The following TRHDE variants were observed in gnomAD, a reference collection of about 807,000 sequenced individuals.
TRHDE encodes thyrotropin releasing hormone degrading enzyme.
A neutral mutation model predicts 125.7 loss-of-function variants in TRHDE; 72 were observed. The ratio of observed to expected loss-of-function variants is 0.57; its 90% CI spans 0.47 to 0.70. The LOEUF (loss-of-function observed/expected upper bound fraction) is 0.70. Among genes scored for constraint, TRHDE ranks in the 30% least tolerant of loss-of-function variants. The probability of loss-of-function intolerance (pLI) is 0.00; values close to 1 mark genes in which losing one functional copy is unlikely to be tolerated. For missense variants in TRHDE, 1,110 were observed against 1,327.1 expected, an observed-to-expected ratio of 0.84 and a Z score of 2.54; for synonymous variants, 509 against 509.1, an observed-to-expected ratio of 1.00 and a Z score of 0.00.
At chr12:72,567,755 CAAG>C (rs1390338013) in intron 9 of TRHDE, among the ~76,000 whole-genome samples, 1 of 151,984 alleles carries the variant, frequency 6.6e-6, no homozygotes, top group Non-Finnish European at 1.5e-5. Context: ...GGCTATATTT[CAAG>C]AAGGAAACAA....
chr12:72,506,679 T>C (rs1878368285), intron 6 of TRHDE, among the ~76,000 whole-genome samples: 1 of 152,178 alleles, frequency 6.6e-6, no homozygotes, highest in African/African-American at 2.4e-5. Context: ...CACAAATAAA[T>C]ATATTTCAAG....
chr12:72,515,503 T>C (rs546374078), intron 6 of TRHDE, among the ~76,000 whole-genome samples: 5 of 152,330 alleles, frequency 3.3e-5, no homozygotes, highest in African/African-American at 9.6e-5. Flanking sequence ...GTTTTTTTTG[T>C]AAATTTGTTT....
intron 2 of TRHDE, among the ~76,000 whole-genome samples, chr12:72,214,097 A>G (rs1877838226): frequency 6.6e-6 from 1 of 152,142 alleles, no homozygotes; most frequent in South Asian, 2.1e-4. Context: ...TAATTTCATT[A>G]TAGATTGTGG....
chr12:72,662,937 T>C, intron 18 of TRHDE, 115 bp from the exon 19 acceptor site: 2 of 1,121,152 alleles, frequency 1.8e-6, no homozygotes, highest in Non-Finnish European at 2.5e-6. Context: ...GGTCATGGCA[T>C]TTTGTTTCAA....
chr12:72,288,023 C>T (rs556627750), intron 2 of TRHDE, among the ~76,000 whole-genome samples: 70 of 151,002 alleles, frequency 4.6e-4, no homozygotes, highest in African/African-American at 1.6e-3. Context: ...AGGGGCTAAA[C>T]GTAAGCAAAT....
intron 3 of TRHDE, among the ~76,000 whole-genome samples, chr12:72,433,883 G>A (rs997495213): frequency 6.6e-6 from 1 of 151,868 alleles, no homozygotes; most frequent in Non-Finnish European, 1.5e-5. Flanking sequence ...ACATGGAGCT[G>A]GTGATGAGGA....
chr12:72,469,954 A>G lies in TRHDE; in HGVS notation c.1470+42A>G, dbSNP rs770827082. 3.8e-6 allele frequency: 6 copies of G among 1,586,174 alleles called. No individual in the cohort carries two copies. In the South Asian group the frequency reaches 6.8e-5, roughly 18 times the overall value. ...CAGGTGTAAGTATAATGTGAAAGCTATTGAAAATGATTTTGAATACCTACA... is the reference window on the plus strand; with the variant it reads ...CAGGTGTAAGTATAATGTGAAAGCTGTTGAAAATGATTTTGAATACCTACA... On this transcript the variant is annotated intron_variant, in intron 4 of 18. Coordinates refer to ENST00000261180, the MANE Select transcript of TRHDE (RefSeq NM_013381.3).
chr12:72,652,498 A>G lies in TRHDE; in HGVS notation c.2843+9A>G. On this transcript the variant is annotated intron_variant, in intron 16 of 18. Coordinates refer to ENST00000261180, the MANE Select transcript of TRHDE (RefSeq NM_013381.3). ...AGGAATTTATTAAACAGGTAGGCCGACTGATTTTCTAAATGTGTTTCTCTA... is the reference window on the plus strand; with the variant it reads ...AGGAATTTATTAAACAGGTAGGCCGGCTGATTTTCTAAATGTGTTTCTCTA... The G allele has an allele frequency of 1.9e-6, 3 of 1,573,974 alleles. No homozygotes were observed. The highest frequency in any genetic ancestry group is 1.7e-4 in the Middle Eastern group (1 of 5,882).
At chr12:72,388,403 G>A (rs1294979764) in intron 3 of TRHDE, among the ~76,000 whole-genome samples, 1 of 151,950 alleles carries the variant, frequency 6.6e-6, no homozygotes, top group Admixed American at 6.6e-5. Flanking sequence ...CCAAATGTAA[G>A]TTCTATGAAA....
At chr12:72,143,941 T>C (rs1023981069) in intron 2 of TRHDE, among the ~76,000 whole-genome samples, 1 of 152,218 alleles carries the variant, frequency 6.6e-6, no homozygotes, top group Non-Finnish European at 1.5e-5. Context: ...TGAACCTTCT[T>C]TGTTACAGAT....
intron 6 of TRHDE, among the ~76,000 whole-genome samples, chr12:72,536,584 A>G (rs181428564): frequency 1.8e-4 from 28 of 152,238 alleles, no homozygotes; most frequent in African/African-American, 6.7e-4. Flanking sequence ...ATTGGCTAGG[A>G]GTAAACTGAG....
chr12:72,284,353 C>T (rs1879804104), intron 1 of TRHDE, among the ~76,000 whole-genome samples: 1 of 151,984 alleles, frequency 6.6e-6, no homozygotes, highest in Non-Finnish European at 1.5e-5. Context: ...AAATAAAATC[C>T]CATGGGCATC....
chr12:72,368,102 A>G (rs1017096881), intron 2 of TRHDE, among the ~76,000 whole-genome samples: 2 of 152,178 alleles, frequency 1.3e-5, no homozygotes, highest in Non-Finnish European at 2.9e-5. Flanking sequence ...TTTTTAAACA[A>G]CAAATCATTA....
chr12:72,570,821 C>T (rs1870689932), intron 10 of TRHDE, among the ~76,000 whole-genome samples: 1 of 152,086 alleles, frequency 6.6e-6, no homozygotes, highest in Admixed American at 6.5e-5. Context: ...TTTGCACAGG[C>T]GGTGATATGA....
At chr12:72,330,343 A>AC in intron 2 of TRHDE, among the ~76,000 whole-genome samples, 1 of 151,652 alleles carries the variant, frequency 6.6e-6, no homozygotes, top group Non-Finnish European at 1.5e-5. Context: ...AAAAAAAAAA[A>AC]CCAAAACCAT....
In TRHDE at chr12:72,528,678, G is replaced by A. The variant is rs796116430; in HGVS notation, c.1723-13613G>A. Among the ~76,000 whole-genome samples the A allele has an allele frequency of 7.2e-5, 11 of 152,026 alleles. No individual in the cohort carries two copies. In the South Asian group the frequency reaches 8.3e-4, roughly 11 times the overall value. On this transcript the variant is annotated intron_variant, in intron 6 of 18. Transcript: ENST00000261180. ...TAATTTTTGTATTTTTAGTGGAGAC[G>A]GGGTTTCACCATGTTGTTCAGGCTG...
rs139867341 is a variant in TRHDE, at chr12:72,232,492, G to C, written n.279+126740G>C. ...GAATAGTTTGCTATTTTTAAGAATT[G>C]ACTACATCTAGGAGGGGCAGTCTCT... On this transcript the variant is annotated intron_variant and non_coding_transcript_variant, in intron 2 of 4. Transcript: ENST00000548156. Among the ~76,000 whole-genome samples, 858 of 152,204 alleles carry C rather than the reference G, an allele frequency of 5.6e-3. 8 individuals are homozygous for C. The highest frequency in any genetic ancestry group is 0.02 in the South Asian group (98 of 4,818).
intron 12 of TRHDE, among the ~76,000 whole-genome samples, chr12:72,587,960 T>C (rs764958318): frequency 6.6e-6 from 1 of 152,172 alleles, no homozygotes; most frequent in Non-Finnish European, 1.5e-5. Context: ...CATCATTCGA[T>C]ACCTATTTCT....
chr12:72,284,745 C>T (rs1037764631), intron 1 of TRHDE, among the ~76,000 whole-genome samples: 2 of 152,170 alleles, frequency 1.3e-5, no homozygotes, highest in Non-Finnish European at 2.9e-5. Context: ...TTTAATCCTA[C>T]CGGATGCACT....
Sources: gnomAD v4.1 joint callset for allele counts (sites outside exome capture counted in the v4.1 genomes callset) on GRCh38, gnomAD v4.1.1 for gene constraint, MANE v1.5 for transcripts, NCBI Gene and HGNC (gene_info 2026-07-23, HGNC 2026-07-21) for gene names.